Variants in IQGAP3 observed in about 807,000 individuals in gnomAD.
The protein encoded by IQGAP3 is ras GTPase-activating-like protein IQGAP3.
IQGAP3 carries 165 observed loss-of-function variants against 208.2 expected under a neutral mutation model. The observed-to-expected ratio is 0.79, with a 90% CI of 0.70 to 0.90. The LOEUF is 0.90. Among genes scored for constraint, IQGAP3 ranks in the 40% least tolerant of loss-of-function variants. The pLI, the probability that IQGAP3 is intolerant of heterozygous loss-of-function variation, is 0.00. For synonymous variants in IQGAP3, 703 were observed against 803.6 expected, an observed-to-expected ratio of 0.87 and a Z score of 2.12; for missense variants, 1,811 against 2,043.1, an observed-to-expected ratio of 0.89 and a Z score of 2.19.
Position 156,535,262 on chromosome 1 carries a change from A to G in IQGAP3, c.3423-15T>C, listed in dbSNP as rs1451090180. 1 of 1,586,422 alleles carries G rather than the reference A, an allele frequency of 6.3e-7. No homozygotes were observed. Among genetic ancestry groups the G allele is most frequent in the Non-Finnish European group, 8.6e-7 (1 of 1,157,848 alleles). On this transcript the variant is annotated splice_polypyrimidine_tract_variant and intron_variant, in intron 27 of 37. Coordinates refer to ENST00000361170, the MANE Select transcript of IQGAP3 (RefSeq NM_178229.5). ...GCATCCCATACCTGGGGACAAAGAA[A>G]CAGGTGCGCGTGGCTGTGCCTCTGC...
Position 156,526,346 on chromosome 1 carries a change from C to T in IQGAP3, c.*140G>A. The T allele has an allele frequency of 1.6e-6, 1 of 644,622 alleles. No homozygotes were observed. 39.9% of individuals were successfully genotyped at this position (644,622 alleles called of 1,614,324 possible). A position where few individuals can be genotyped will look rare whatever the true frequency, so the allele number is the denominator to read the frequency against. ...TGTGGCCAGGCAGGCAAGCTCCTCCCAGCTGGGGAAGGGGTGAGAATCCCT... is the reference window on the plus strand; with the variant it reads ...TGTGGCCAGGCAGGCAAGCTCCTCCTAGCTGGGGAAGGGGTGAGAATCCCT... On this transcript the variant is annotated 3_prime_UTR_variant, in exon 38 of 38. Coordinates refer to ENST00000361170, the MANE Select transcript of IQGAP3 (RefSeq NM_178229.5).
intron 11 of IQGAP3, 74 bp downstream of exon 11, chr1:156,560,860 A>T: frequency 9.4e-7 from 1 of 1,067,452 alleles, no homozygotes; most frequent in Non-Finnish European, 1.4e-6. Context: ...TACAGAAGCC[A>T]GCAAAGAGGT....
chr1:156,562,464 G>T, intron 9 of IQGAP3, 123 bp downstream of exon 9: 2 of 782,414 alleles, frequency 2.6e-6, no homozygotes, highest in Non-Finnish European at 2.2e-6. Flanking sequence ...TTTCTCCGAG[G>T]CAAGAGTTGG....
chr1:156,532,269 C>T (rs966943070), intron 32 of IQGAP3, among the ~76,000 whole-genome samples: 3 of 151,848 alleles, frequency 2.0e-5, no homozygotes, highest in Admixed American at 2.0e-4. Flanking sequence ...CACCTGTAGT[C>T]CCAGCTACTC....
intron 13 of IQGAP3, among the ~76,000 whole-genome samples, chr1:156,552,674 T>C (rs889726543): frequency 6.6e-6 from 1 of 152,176 alleles, no homozygotes; most frequent in Non-Finnish European, 1.5e-5. Context: ...CAAGCCCCCA[T>C]CATCTCTTGC....
chr1:156,527,309 A>ATG (rs1674133357), intron 37 of IQGAP3, among the ~76,000 whole-genome samples: 1 of 151,544 alleles, frequency 6.6e-6, no homozygotes, highest in Non-Finnish European at 1.5e-5. Context: ...GTGAAACCCC[A>ATG]TCTCTACTAA....
rs1215177454 is a variant in IQGAP3, at chr1:156,534,498, G to T, written c.3740+3C>A. The stretch of plus-strand genomic sequence containing the variant: ...GGGGACAGAGAGGAAAGGGACCCAA[G>T]ACCTGAACTTGAGGTGTGTTTCCTC... On this transcript the variant is annotated splice_donor_region_variant and intron_variant, in intron 29 of 37. Coordinates refer to ENST00000361170, the MANE Select transcript of IQGAP3 (RefSeq NM_178229.5). The T allele has an allele frequency of 3.2e-6, 5 of 1,555,602 alleles. No homozygotes were observed. Among genetic ancestry groups the T allele is most frequent in the South Asian group, 1.2e-5 (1 of 83,244 alleles).
At chr1:156,547,094 T>A (rs959548584) in intron 19 of IQGAP3, among the ~76,000 whole-genome samples, 11 of 152,184 alleles carry the variant, frequency 7.2e-5, no homozygotes, top group Non-Finnish European at 4.4e-5. Context: ...TGGGAAGGTA[T>A]CTGCTCAATT....
rs141633114 is a variant in IQGAP3, at chr1:156,532,858, A to G, written c.4103+122T>C. 7.1e-5 allele frequency: 72 copies of G among 1,008,036 alleles called. No individual in the cohort carries two copies. In the African/African-American group the frequency reaches 1.0e-3, roughly 14 times the overall value. The allele number at this position is 1,008,036 out of a possible 1,614,324, so 62.4% of individuals were successfully genotyped here. A position where few individuals can be genotyped will look rare whatever the true frequency, so the allele number is the denominator to read the frequency against. ...GGAATAAAGGTAGGCTTCAGGGAGA[A>G]CTTCCTGAAGGATAAGGGAGCCCAG... On this transcript the variant is annotated intron_variant, in intron 32 of 37. Transcript: ENST00000361170.
At chr1:156,563,507 C>T (rs1413575392) in intron 7 of IQGAP3, 46 bp downstream of exon 7, 5 of 1,514,324 alleles carry the variant, frequency 3.3e-6, no homozygotes, top group Non-Finnish European at 4.5e-6. Context: ...GGAGCCCTCC[C>T]ATACGCATTG....
intron 27 of IQGAP3, 106 bp downstream of exon 27, chr1:156,537,075 C>G: frequency 7.9e-7 from 1 of 1,263,884 alleles, no homozygotes. Context: ...CTCCATCTCC[C>G]TCCCTGCCTT....
At position 156,534,739 on chromosome 1, in the gene IQGAP3, G is replaced by A. The variant is rs1035442223; in HGVS notation, c.3508-6C>T. The stretch of plus-strand genomic sequence containing the variant: ...TACAGGAGGTTCCCGACCACCTGAG[G>A]GCAAAGGAGACTCTCCCAGAAGTGT... On this transcript the variant is annotated splice_polypyrimidine_tract_variant and splice_region_variant and intron_variant, in intron 28 of 37. Transcript: ENST00000361170. The A allele has an allele frequency of 6.6e-7, 1 of 1,525,256 alleles. No homozygotes were observed. Among genetic ancestry groups the A allele is most frequent in the Non-Finnish European group, 8.8e-7 (1 of 1,136,966 alleles). The allele number at this position is 1,525,256 out of a possible 1,614,324, so 94.5% of individuals were successfully genotyped here.
At chr1:156,564,913 T>C (rs1438556766) in intron 4 of IQGAP3, among the ~76,000 whole-genome samples, 3 of 152,108 alleles carry the variant, frequency 2.0e-5, no homozygotes, top group Non-Finnish European at 2.9e-5. Context: ...CACAGACACA[T>C]AGTCCTAGGG....
chr1:156,548,304 C>A, intron 18 of IQGAP3, 44 bp downstream of exon 18: 1 of 1,608,842 alleles, frequency 6.2e-7, no homozygotes, highest in Non-Finnish European at 8.5e-7. Context: ...TTCTTCAGGA[C>A]ATTCCTATCC....
intron 24 of IQGAP3, 100 bp downstream of exon 24, chr1:156,539,738 G>A (rs761342421): frequency 1.2e-4 from 165 of 1,392,470 alleles, no homozygotes; most frequent in Non-Finnish European, 1.6e-4. Context: ...TTATGGGAAA[G>A]GACACCTTGC....
rs137863711 is a variant in IQGAP3 at position 156,550,297 on chromosome 1, C to A, written c.1789G>T (p.Val597Phe). ...GTATTAGTGTCCTGGTTGGCTCTGA[C>A]CACTCCCTGGCGGATCTCCTCAAGC... ...LWLEEIRQGV[V>F]RANQDTNTAQ... is the part of the protein sequence containing the mutation. Residue 597 changes from valine to phenylalanine, a missense_variant, in exon 16 of 38, where the codon GTC becomes TTC. Coordinates refer to ENST00000361170, the MANE Select transcript of IQGAP3 (RefSeq NM_178229.5). 3 of 1,613,786 alleles carry A rather than the reference C, an allele frequency of 1.9e-6. No individual in the cohort carries two copies. In the African/African-American group the frequency reaches 4.0e-5, roughly 22 times the overall value.
At position 156,566,437 on chromosome 1, in the gene IQGAP3, C is replaced by T. The variant is rs770604495; in HGVS notation, c.235G>A (p.Val79Met). Residue 79 changes from valine to methionine, a missense_variant, in exon 3 of 38, where the codon GTG becomes ATG. Coordinates refer to ENST00000361170, the MANE Select transcript of IQGAP3 (RefSeq NM_178229.5). The part of the protein sequence containing the change: ...AKLGHCFAPS[V>M]VPLKKIYDVE... The stretch of plus-strand genomic sequence containing the variant: ...TCGTAGATCTTCTTCAAGGGAACCA[C>T]GGAGGGTGCAAAACAGTGGCCTAGC... 7.3e-5 allele frequency: 118 copies of T among 1,614,010 alleles called. 1 individual carries two copies. Among genetic ancestry groups the T allele is most frequent in the East Asian group, 1.6e-4 (7 of 44,900 alleles).
At position 156,563,536 on chromosome 1, in the gene IQGAP3, C is replaced by A. The variant is rs776695051; in HGVS notation, c.619+17G>T. ...CGCATTGAGCCTACTCCTGGCAGGG[C>A]AGAGCCTAGTCCTTACCTGCAGCCT... On this transcript the variant is annotated intron_variant, in intron 7 of 37. Coordinates refer to ENST00000361170, the MANE Select transcript of IQGAP3 (RefSeq NM_178229.5). The A allele has an allele frequency of 3.8e-6, 6 of 1,599,800 alleles. No homozygotes were observed. The highest frequency in any genetic ancestry group is 5.1e-6 in the Non-Finnish European group (6 of 1,169,316).
intron 10 of IQGAP3, 125 bp downstream of exon 10, chr1:156,561,713 C>T: frequency 2.1e-6 from 2 of 948,562 alleles, no homozygotes; most frequent in Non-Finnish European, 3.2e-6. Flanking sequence ...GGTGATTTAA[C>T]CATTTAAACA....
Sources: allele counts gnomAD v4.1 joint callset (sites outside exome capture counted in the v4.1 genomes callset), GRCh38; gene constraint gnomAD v4.1.1; transcripts MANE v1.5; gene names NCBI Gene and HGNC (gene_info 2026-07-23, HGNC 2026-07-21).